Variants in CEP57L1 observed in about 807,000 individuals in gnomAD.
CEP57L1 encodes the protein centrosomal protein 57 like 1.
A neutral mutation model predicts 61.0 loss-of-function variants in CEP57L1; 37 were observed. The observed-to-expected ratio is 0.61, with a 90% CI of 0.47 to 0.80. CEP57L1 has a LOEUF of 0.80. Among genes scored for constraint, CEP57L1 ranks in the 30% least tolerant of loss-of-function variants. The pLI is 0.00. For synonymous variants in CEP57L1, 137 were observed against 162.3 expected (o/e 0.84, Z 1.19); for missense variants, 422 against 524.7 (o/e 0.80, Z 1.91).
chr6:109,157,914 A>T (rs1033852999), intron 7 of CEP57L1: 2 of 152,140 alleles, frequency 1.3e-5, no homozygotes, highest in African/African-American at 4.8e-5. Flanking sequence ...AATAATCAAG[A>T]TACAGAACTC....
At chr6:109,111,038 A>G (rs771823358) in intron 1 of CEP57L1, among the ~76,000 whole-genome samples, 4 of 152,168 alleles carry the variant, frequency 2.6e-5, no homozygotes, top group Non-Finnish European at 4.4e-5. Flanking sequence ...TGAAATTTAA[A>G]GTAGTTTTTT....
rs1583703736 is a variant in CEP57L1 at position 109,169,558 on chromosome 6, T to G, written c.*6588T>G. 6.6e-6 allele frequency among the ~76,000 whole-genome samples: 1 copy of G among 152,192 alleles called. No homozygotes were observed. The highest frequency in any genetic ancestry group is 1.9e-4 in the East Asian group (1 of 5,202). The stretch of plus-strand genomic sequence containing the variant: ...CTGTTGCATTTCCTGGTCTATAGAA[T>G]ACAATTTTCAAACACTAGCCAACTT... On this transcript the variant is annotated 3_prime_UTR_variant, in exon 11 of 11. Transcript: ENST00000517392.
Position 109,145,241 on chromosome 6 carries a change from A to G in CEP57L1, c.20A>G (p.His7Arg), listed in dbSNP as rs762593607. 16 of 1,583,780 alleles carry G rather than the reference A, an allele frequency of 1.0e-5. No individual in the cohort carries two copies. The highest frequency in any genetic ancestry group is 4.3e-6 in the Non-Finnish European group (5 of 1,157,850). ...CAGATAATGGATTCTGAATTAATGCATAGTATAGTAGGAAGCTATCATAAA... is the reference window on the plus strand; with the variant it reads ...CAGATAATGGATTCTGAATTAATGCGTAGTATAGTAGGAAGCTATCATAAA... MDSELMHSIVGSYHKPP... is the reference protein window; with the variant it reads MDSELMRSIVGSYHKPP... The change falls in exon 2 of 11, where the codon CAT becomes CGT. Residue 7 changes from histidine (H) to arginine (R), a missense_variant. Transcript: ENST00000517392.
chr6:109,132,611 T>C (rs1774316868), intron 1 of CEP57L1, among the ~76,000 whole-genome samples: 1 of 152,262 alleles, frequency 6.6e-6, no homozygotes, highest in East Asian at 1.9e-4. Context: ...CTAAGACTTA[T>C]TCGCTAGATT....
intron 1 of CEP57L1, among the ~76,000 whole-genome samples, chr6:109,116,142 A>ATG (rs1562512258): frequency 2.2e-5 from 3 of 137,378 alleles, no homozygotes; most frequent in African/African-American, 8.8e-5. Context: ...ATGTTATGTT[A>ATG]TGTTATGTTA....
intron 1 of CEP57L1, among the ~76,000 whole-genome samples, chr6:109,113,107 G>C (rs1771863744): frequency 6.6e-6 from 1 of 151,980 alleles, no homozygotes; most frequent in Non-Finnish European, 1.5e-5. Context: ...ATGAAGGTGG[G>C]GTGTTAAAGT....
At chr6:109,159,501 G>A (rs371420365) in intron 9 of CEP57L1, 39 bp downstream of exon 9, 6 of 1,570,888 alleles carry the variant, frequency 3.8e-6, no homozygotes, top group Non-Finnish European at 5.2e-6. Context: ...AAGAGACAGT[G>A]TCTCGCTATG....
chr6:109,142,073 T>A (rs1448024826), intron 1 of CEP57L1, among the ~76,000 whole-genome samples: 2 of 152,166 alleles, frequency 1.3e-5, no homozygotes, highest in African/African-American at 4.8e-5. Context: ...AGCATTCTTT[T>A]TAGGGGGATA....
intron 1 of CEP57L1, among the ~76,000 whole-genome samples, chr6:109,141,083 G>T (rs1771320415): frequency 6.7e-6 from 1 of 149,998 alleles, no homozygotes; most frequent in Non-Finnish European, 1.5e-5. Context: ...GCCCGCCTCG[G>T]CCTCCCAAAG....
chr6:109,104,185 T>C (rs1770651485), intron 1 of CEP57L1, among the ~76,000 whole-genome samples: 1 of 152,136 alleles, frequency 6.6e-6, no homozygotes, highest in Admixed American at 6.5e-5. Context: ...TACTCAACAA[T>C]ATATTTTCAG....
chr6:109,147,308 G>C (rs1772074510), intron 3 of CEP57L1, among the ~76,000 whole-genome samples: 1 of 151,530 alleles, frequency 6.6e-6, no homozygotes, highest in African/African-American at 2.4e-5. Flanking sequence ...TTTAGAATTT[G>C]AAATACAGAA....
rs1430895563 is a variant in CEP57L1, at chr6:109,155,886, A to T, written c.744+9A>T. On this transcript the variant is annotated intron_variant, in intron 7 of 10. Coordinates refer to ENST00000517392, the MANE Select transcript of CEP57L1 (RefSeq NM_001271852.3). ...AGAAGAAATCTTCAAAGGTGTGCAT[A>T]TAAAATTTTTTCCCAAACAAAAATA... 18 of 1,506,486 alleles carry T rather than the reference A, an allele frequency of 1.2e-5. No homozygotes were observed. Among genetic ancestry groups the T allele is most frequent in the Non-Finnish European group, 1.6e-5 (17 of 1,095,454 alleles). 93.3% of individuals were successfully genotyped at this position (1,506,486 alleles called of 1,614,324 possible). A position where few individuals can be genotyped will look rare whatever the true frequency, so the allele number is the denominator to read the frequency against.
chr6:109,114,698 G>T (rs1772077330), intron 1 of CEP57L1, among the ~76,000 whole-genome samples: 1 of 152,156 alleles, frequency 6.6e-6, no homozygotes, highest in Non-Finnish European at 1.5e-5. Flanking sequence ...TGGGAAGAGA[G>T]GTGGGAGAGT....
intron 4 of CEP57L1, among the ~76,000 whole-genome samples, chr6:109,152,750 G>A (rs1772778066): frequency 1.3e-5 from 2 of 151,330 alleles, no homozygotes; most frequent in Admixed American, 6.6e-5. Flanking sequence ...TTAGAGAGAG[G>A]GTAAGTTAAT....
intron 3 of CEP57L1, among the ~76,000 whole-genome samples, chr6:109,149,516 C>T (rs1424708334): frequency 6.6e-6 from 1 of 152,132 alleles, no homozygotes; most frequent in East Asian, 1.9e-4. Flanking sequence ...GTTTTGGTTA[C>T]TGTAGCCTTG....
At chr6:109,111,086 G>T (rs368498400) in intron 1 of CEP57L1, among the ~76,000 whole-genome samples, 1 of 152,126 alleles carries the variant, frequency 6.6e-6, no homozygotes, top group Non-Finnish European at 1.5e-5. Context: ...GCTTGATCAG[G>T]ATAGCATTAA....
chr6:109,115,769 A>C (rs916110884), intron 1 of CEP57L1, among the ~76,000 whole-genome samples: 2 of 152,172 alleles, frequency 1.3e-5, no homozygotes, highest in Admixed American at 6.6e-5. Context: ...CAAGTCACCC[A>C]ATCTTTTCAT....
chr6:109,155,971 T>C (rs1288626678), intron 7 of CEP57L1, 94 bp downstream of exon 7: 8 of 568,970 alleles, frequency 1.4e-5, no homozygotes, highest in Non-Finnish European at 2.5e-5. Flanking sequence ...CCAAAAAGGA[T>C]TTGAAGATAT....
At chr6:109,162,058 C>G (rs1469540736) in intron 10 of CEP57L1, among the ~76,000 whole-genome samples, 3 of 152,054 alleles carry the variant, frequency 2.0e-5, no homozygotes, top group South Asian at 4.2e-4. Context: ...ATATACTACT[C>G]AAGGTGATAA....
Sources: gnomAD v4.1 joint callset for allele counts (sites outside exome capture counted in the v4.1 genomes callset) on GRCh38, gnomAD v4.1.1 for gene constraint, MANE v1.5 for transcripts, NCBI Gene and HGNC (gene_info 2026-07-23, HGNC 2026-07-21) for gene names.